The following JAM3 variants were observed in gnomAD, a reference collection of about 807,000 sequenced individuals.
JAM3 encodes the protein junctional adhesion molecule C.
A neutral mutation model predicts 39.4 loss-of-function variants in JAM3; 31 were observed. The observed-to-expected ratio is 0.79, with a 90% CI of 0.59 to 1.06. The LOEUF is 1.06. JAM3 is among the 50% of genes least tolerant of loss of function. The pLI, the probability that JAM3 is intolerant of heterozygous loss-of-function variation, is 0.00. For synonymous variants in JAM3, 182 were observed against 148.7 expected (o/e 1.22, Z -1.63); for missense variants, 455 against 391.4 (o/e 1.16, Z -1.37).
intron 1 of JAM3, among the ~76,000 whole-genome samples, chr11:134,092,033 G>A (rs1941868525): frequency 6.6e-6 from 1 of 152,006 alleles, no homozygotes; most frequent in South Asian, 2.1e-4. Flanking sequence ...ATATAATTAA[G>A]TATACTACTC....
At chr11:134,110,747 C>T (rs1467540270) in intron 1 of JAM3, among the ~76,000 whole-genome samples, 1 of 151,992 alleles carries the variant, frequency 6.6e-6, no homozygotes, top group African/African-American at 2.4e-5. Context: ...TGGATATGTT[C>T]GCTATTGTGG....
chr11:134,076,477 C>T (rs1010033500), intron 1 of JAM3, among the ~76,000 whole-genome samples: 18 of 152,222 alleles, frequency 1.2e-4, no homozygotes, highest in Admixed American at 9.2e-4. Context: ...ATTTTTAAAA[C>T]ATTGTGTGCA....
intron 1 of JAM3, among the ~76,000 whole-genome samples, chr11:134,090,753 T>A (rs1941833439): frequency 6.6e-6 from 1 of 152,140 alleles, no homozygotes; most frequent in Non-Finnish European, 1.5e-5. Flanking sequence ...ACTAAAGTGT[T>A]GGAAACCTGA....
intron 1 of JAM3, among the ~76,000 whole-genome samples, chr11:134,126,831 C>T (rs1256942349): frequency 1.3e-5 from 2 of 152,200 alleles, no homozygotes; most frequent in Non-Finnish European, 2.9e-5. Context: ...CTCTAAATCC[C>T]ACTGATTATT....
chr11:134,144,942 A>T lies in JAM3; in HGVS notation c.560A>T (p.Asn187Ile), dbSNP rs371455730. 6.2e-7 allele frequency: 1 copy of T among 1,614,222 alleles called. No homozygotes were observed. Among genetic ancestry groups the T allele is most frequent in the East Asian group, 2.2e-5 (1 of 44,876 alleles). Reference sequence around the variant, plus strand: ...CCACTGCCCACGGATTCCAGAGCCAATCCCAGATTTCGCAATTCTTCTTTC... The same window carrying T: ...CCACTGCCCACGGATTCCAGAGCCATTCCCAGATTTCGCAATTCTTCTTTC... The part of the protein sequence containing the change: ...DVPLPTDSRA[N>I]PRFRNSSFHL... Residue 187 changes from asparagine to isoleucine, a missense_variant, in exon 5 of 9, where the codon AAT (asparagine) becomes ATT (isoleucine). Transcript: ENST00000299106.
chr11:134,125,712 C>A (rs1202646670), intron 1 of JAM3, among the ~76,000 whole-genome samples: 1 of 152,194 alleles, frequency 6.6e-6, no homozygotes, highest in African/African-American at 2.4e-5. Flanking sequence ...CGACAATACT[C>A]AGGAGAATGT....
chr11:134,140,788 T>C lies in JAM3; in HGVS notation c.256+18T>C, dbSNP rs773637055. The C allele has an allele frequency of 6.2e-7, 1 of 1,603,120 alleles. No homozygotes were observed. Among genetic ancestry groups the C allele is most frequent in the African/African-American group, 1.3e-5 (1 of 74,674 alleles). ...AATTCAGGGTATGATCCTGTAGTCCTCTTGCCTGCTGACCTTTCCTCTGTC... is the reference window on the plus strand; with the variant it reads ...AATTCAGGGTATGATCCTGTAGTCCCCTTGCCTGCTGACCTTTCCTCTGTC... On this transcript the variant is annotated intron_variant, in intron 3 of 8. Coordinates refer to ENST00000299106, the MANE Select transcript of JAM3 (RefSeq NM_032801.5).
chr11:134,138,240 GGTGGCGTCTCGTCGAAGTCGTGGTGCTC>G (rs1942906199), intron 1 of JAM3, among the ~76,000 whole-genome samples: 1 of 125,648 alleles, frequency 8.0e-6, no homozygotes, highest in African/African-American at 3.7e-5. Context: ...TAGAGCCAGT[GGTGGCGTCTCGTCGAAGTCGTGGTGCTC>G]ATACTGGAAG....
At chr11:134,146,154 T>C in intron 6 of JAM3, 109 bp downstream of exon 6, 1 of 817,810 alleles carries the variant, frequency 1.2e-6, no homozygotes, top group Non-Finnish European at 2.1e-6. Flanking sequence ...ATGGGTTAGC[T>C]TTCTTCTGGA....
intron 1 of JAM3, among the ~76,000 whole-genome samples, chr11:134,114,395 T>C (rs1044974110): frequency 2.6e-5 from 4 of 152,212 alleles, no homozygotes; most frequent in African/African-American, 9.6e-5. Flanking sequence ...TTCAGCTTTC[T>C]ACATATGGCT....
chr11:134,099,026 C>T (rs754654679), intron 1 of JAM3, among the ~76,000 whole-genome samples: 10 of 151,976 alleles, frequency 6.6e-5, no homozygotes, highest in African/African-American at 2.4e-4. Flanking sequence ...ATGATGAAAT[C>T]CCATCTCTGC....
chr11:134,121,821 G>GCGCGCACACACACACA (rs369702081), intron 1 of JAM3, among the ~76,000 whole-genome samples: 11 of 148,422 alleles, frequency 7.4e-5, no homozygotes, highest in African/African-American at 2.2e-4. Context: ...GCATGTGTGC[G>GCGCGCACACACACACA]CACACACACA....
In JAM3 at chr11:134,151,103, G is replaced by A. The variant is rs918963973; in HGVS notation, c.*1922G>A. On this transcript the variant is annotated 3_prime_UTR_variant, in exon 9 of 9. Coordinates refer to ENST00000299106, the MANE Select transcript of JAM3 (RefSeq NM_032801.5). ...TAAAGCAAGGAGCTGCTGAGAAGGA[G>A]CACTCCACTGTGTGCCTGGAGAATG... 3.3e-5 allele frequency: 5 copies of A among 152,258 alleles called. No homozygotes were observed. The highest frequency in any genetic ancestry group is 1.2e-4 in the African/African-American group (5 of 41,470). 9.4% of individuals were successfully genotyped at this position (152,258 alleles called of 1,614,324 possible).
At chr11:134,087,038 C>G (rs569871692) in intron 1 of JAM3, among the ~76,000 whole-genome samples, 39 of 152,192 alleles carry the variant, frequency 2.6e-4, no homozygotes, top group Non-Finnish European at 4.6e-4. Flanking sequence ...CCCATGGGCT[C>G]AAGCGATCCT....
chr11:134,102,795 G>A (rs1003755228), intron 1 of JAM3, among the ~76,000 whole-genome samples: 6 of 152,158 alleles, frequency 3.9e-5, no homozygotes, highest in Admixed American at 1.3e-4. Flanking sequence ...GAAATGAAGC[G>A]AGAAGAGAAG....
At chr11:134,084,201 C>G (rs1170626913) in intron 1 of JAM3, among the ~76,000 whole-genome samples, 1 of 152,156 alleles carries the variant, frequency 6.6e-6, no homozygotes, top group African/African-American at 2.4e-5. Context: ...TCTTGTCTTT[C>G]TGTTCATCTC....
chr11:134,146,819 C>T (rs369168065), intron 6 of JAM3, among the ~76,000 whole-genome samples: 1 of 152,178 alleles, frequency 6.6e-6, no homozygotes, highest in Non-Finnish European at 1.5e-5. Context: ...CCTGCCTCGG[C>T]CTCCCCCAGG....
At chr11:134,105,755 CAA>C (rs1380255281) in intron 1 of JAM3, among the ~76,000 whole-genome samples, 1 of 152,072 alleles carries the variant, frequency 6.6e-6, no homozygotes, top group African/African-American at 2.4e-5. Context: ...GCAATTGCTT[CAA>C]AGAGAATAAA....
intron 1 of JAM3, among the ~76,000 whole-genome samples, chr11:134,118,630 T>G (rs1448464622): frequency 6.6e-6 from 1 of 152,172 alleles, no homozygotes; most frequent in African/African-American, 2.4e-5. Context: ...CTGCCTTTAC[T>G]CTTCCTCCTC....
Sources: gnomAD v4.1 joint callset for allele counts (sites outside exome capture counted in the v4.1 genomes callset) on GRCh38, gnomAD v4.1.1 for gene constraint, MANE v1.5 for transcripts, NCBI Gene and HGNC (gene_info 2026-07-23, HGNC 2026-07-21) for gene names.